LHCGR: variants seen among roughly 807,000 people sequenced by gnomAD.
LHCGR encodes lutropin-choriogonadotropic hormone receptor.
A neutral mutation model predicts 60.7 loss-of-function variants in LHCGR; 55 were observed. That is an observed-to-expected ratio of 0.91 (90% confidence interval 0.73 to 1.13). The LOEUF (loss-of-function observed/expected upper bound fraction) is 1.13. Ranked by LOEUF, LHCGR falls within the 50% of genes most tolerant of loss-of-function variation. The pLI is 0.00. For synonymous variants in LHCGR, 337 were observed against 316.5 expected (o/e 1.06, Z -0.69); for missense variants, 862 against 836.0 (o/e 1.03, Z -0.38).
At chr2:48,690,803 A>G (rs1373734215) in intron 10 of LHCGR, among the ~76,000 whole-genome samples, 1 of 152,250 alleles carries the variant, frequency 6.6e-6, no homozygotes, top group African/African-American at 2.4e-5. Flanking sequence ...CAATTAAGTG[A>G]TGATGCATGT....
At chr2:48,708,923 G>T (rs1394714836) in intron 8 of LHCGR, 25 bp downstream of exon 8, 1 of 1,595,890 alleles carries the variant, frequency 6.3e-7, no homozygotes, top group South Asian at 1.1e-5. Context: ...TGGGCAGGGA[G>T]GGGAGGCAGC....
At chr2:48,700,211 T>C (rs1667339279) in intron 8 of LHCGR, among the ~76,000 whole-genome samples, 1 of 152,220 alleles carries the variant, frequency 6.6e-6, no homozygotes, top group Non-Finnish European at 1.5e-5. Context: ...TTTGAAGATC[T>C]GGTGGCTTTT....
chr2:48,753,520 T>C (rs1323497475), intron 1 of LHCGR, among the ~76,000 whole-genome samples: 3 of 152,170 alleles, frequency 2.0e-5, no homozygotes, highest in African/African-American at 4.8e-5. Context: ...TGGTGGATGC[T>C]CAGGGTCTCT....
chr2:48,732,632 A>G (rs747440410), intron 1 of LHCGR, among the ~76,000 whole-genome samples: 2 of 152,158 alleles, frequency 1.3e-5, no homozygotes, highest in Non-Finnish European at 2.9e-5. Flanking sequence ...CCTGTGCAAT[A>G]CTGGCCAAAG....
chr2:48,702,164 C>G (rs1370112653), intron 8 of LHCGR, among the ~76,000 whole-genome samples: 1 of 151,790 alleles, frequency 6.6e-6, no homozygotes, highest in Admixed American at 6.6e-5. Flanking sequence ...TGAAGCCTGA[C>G]TGCAGCTTCA....
chr2:48,687,781 C>T lies in LHCGR; in HGVS notation c.2016G>A (p.Lys672=), dbSNP rs771556350. 2 of 1,613,974 alleles carry T rather than the reference C, an allele frequency of 1.2e-6. No individual in the cohort carries two copies. Among genetic ancestry groups the T allele is most frequent in the Admixed American group, 3.3e-5 (2 of 59,996 alleles). The change falls in exon 11 of 11, where the codon AAG becomes AAA. Residue 672 remains lysine, a synonymous_variant. Coordinates refer to ENST00000294954, the MANE Select transcript of LHCGR (RefSeq NM_000233.4). ...ACAACTTCAAGGTGGATTGAGAAGG[C>T]TTATTTGATCCAGTGAAGCCATTTT... ...NCKNGFTGSN[K]PSQSTLKLST...
At chr2:48,716,949 GCA>G (rs1668275274) in intron 6 of LHCGR, among the ~76,000 whole-genome samples, 1 of 152,140 alleles carries the variant, frequency 6.6e-6, no homozygotes, top group Non-Finnish European at 1.5e-5. Flanking sequence ...CCAAAAATAT[GCA>G]CTTTTATAAC....
chr2:48,703,518 T>A (rs1024302795), intron 8 of LHCGR, among the ~76,000 whole-genome samples: 1 of 152,174 alleles, frequency 6.6e-6, no homozygotes, highest in Admixed American at 6.5e-5. Flanking sequence ...TGACACCATT[T>A]ATTAAATGGG....
intron 3 of LHCGR, among the ~76,000 whole-genome samples, chr2:48,728,815 C>T (rs1668859549): frequency 6.6e-6 from 1 of 152,146 alleles, no homozygotes. Flanking sequence ...AATTTATGAT[C>T]TCTAAGCTCT....
intron 8 of LHCGR, among the ~76,000 whole-genome samples, chr2:48,702,250 CT>C (rs771558506): frequency 2.3e-4 from 35 of 150,204 alleles, no homozygotes; most frequent in Non-Finnish European, 4.7e-4. Flanking sequence ...TTCCTCCTAA[CT>C]TTCTCATGTA....
chr2:48,727,420 T>A (rs1293850493), intron 3 of LHCGR, among the ~76,000 whole-genome samples: 1 of 152,226 alleles, frequency 6.6e-6, no homozygotes, highest in Admixed American at 6.5e-5. Flanking sequence ...AAAGCCTTCA[T>A]GGAGCTAGCA....
chr2:48,734,143 T>G (rs1256928293), intron 1 of LHCGR, among the ~76,000 whole-genome samples: 2 of 152,186 alleles, frequency 1.3e-5, no homozygotes, highest in Non-Finnish European at 2.9e-5. Flanking sequence ...ATGTAAAATT[T>G]GGACCGTACA....
intron 1 of LHCGR, among the ~76,000 whole-genome samples, chr2:48,747,029 G>A (rs1457072007): frequency 6.6e-6 from 1 of 151,832 alleles, no homozygotes; most frequent in East Asian, 1.9e-4. Context: ...TAAAGTAACT[G>A]TGTAAAAGTT....
chr2:48,709,455 G>C (rs1667871179), intron 7 of LHCGR, among the ~76,000 whole-genome samples: 1 of 152,148 alleles, frequency 6.6e-6, no homozygotes, highest in Non-Finnish European at 1.5e-5. Context: ...GTAATTTATT[G>C]AAGTTTGCAA....
chr2:48,713,384 C>G lies in LHCGR; in HGVS notation c.605+602G>C, dbSNP rs1038449774. 5.3e-5 allele frequency among the ~76,000 whole-genome samples: 8 copies of G among 152,226 alleles called. No individual in the cohort carries two copies. In the East Asian group the frequency reaches 1.4e-3, roughly 26 times the overall value. On this transcript the variant is annotated intron_variant, in intron 7 of 10. Transcript: ENST00000294954. ...CCCCACAAACTTTGTGAATATGCCA[C>G]TCTTTTAGAAGAGGAGCCATAGAAG...
chr2:48,726,542 T>A (rs903183660), intron 3 of LHCGR, among the ~76,000 whole-genome samples: 2 of 152,200 alleles, frequency 1.3e-5, no homozygotes, highest in African/African-American at 4.8e-5. Flanking sequence ...CAAAAAGTAG[T>A]CACCATTGCT....
intron 1 of LHCGR, among the ~76,000 whole-genome samples, chr2:48,736,987 A>C (rs1005277309): frequency 7.9e-5 from 12 of 152,184 alleles, no homozygotes; most frequent in Non-Finnish European, 1.6e-4. Context: ...CTTGAATACA[A>C]GATGTTTCCC....
At chr2:48,698,594 T>C (rs376754162) in intron 9 of LHCGR, 21 bp downstream of exon 9, 50 of 1,605,550 alleles carry the variant, frequency 3.1e-5, no homozygotes, top group Non-Finnish European at 4.3e-5. Flanking sequence ...GGGTAGGCTT[T>C]ACCTTTTGGT....
At chr2:48,700,114 G>A (rs570204853) in intron 8 of LHCGR, among the ~76,000 whole-genome samples, 7 of 152,302 alleles carry the variant, frequency 4.6e-5, no homozygotes, top group African/African-American at 1.7e-4. Context: ...AGAATTTCCT[G>A]CTTTTGTGTC....
Sources: gnomAD v4.1 joint callset for allele counts (sites outside exome capture counted in the v4.1 genomes callset) on GRCh38, gnomAD v4.1.1 for gene constraint, MANE v1.5 for transcripts, NCBI Gene and HGNC (gene_info 2026-07-23, HGNC 2026-07-21) for gene names.